SIAE: variants seen among roughly 807,000 people sequenced by gnomAD.
SIAE encodes the protein sialate O-acetylesterase.
In SIAE, 39 loss-of-function variants were observed where a neutral mutation model predicts 52.6. The observed-to-expected ratio is 0.74, with a 90% confidence interval of 0.57 to 0.97. The LOEUF (loss-of-function observed/expected upper bound fraction) is 0.97, where lower values mean the gene tolerates loss of function less well. Among genes scored for constraint, SIAE ranks in the 50% least tolerant of loss-of-function variants. The pLI, the probability that SIAE is intolerant of heterozygous loss-of-function variation, is 0.00. For synonymous variants in SIAE, 233 were observed against 241.4 expected (o/e 0.97, Z 0.32); for missense variants, 592 against 662.1 (o/e 0.89, Z 1.16).
rs1942816961 is a variant in SIAE at position 124,639,899 on chromosome 11, T to C, written c.967-32A>G. ...AGCAGAGACATTGCTAATTTTATTG[T>C]ATCAGAATCCCACACTGGAGTCTTT... On this transcript the variant is annotated intron_variant, in intron 7 of 9. Coordinates refer to ENST00000263593, the MANE Select transcript of SIAE (RefSeq NM_170601.5). 6 of 1,611,912 alleles carry C rather than the reference T, an allele frequency of 3.7e-6. No homozygotes were observed. In the East Asian group the frequency reaches 1.3e-4, roughly 36 times the overall value.
chr11:124,669,384 T>C lies in SIAE; in HGVS notation c.205A>G (p.Met69Val), dbSNP rs760120148. 4 of 1,614,074 alleles carry C rather than the reference T, an allele frequency of 2.5e-6. No individual in the cohort carries two copies. The South Asian group carries it at 3.3e-5, about 13-fold the overall frequency. The part of the protein sequence containing the change: ...VTLRQGQETI[M>V]KKVTSVKAHS... ...CCTTTCACACTGGTCACTTTCTTCA[T>C]GATGGTTTCCTGACCTTGGCGCAGG... Residue 69 changes from methionine (M) to valine (V), a missense_variant, in exon 2 of 10, where the codon ATG becomes GTG. Physicochemically the swap from Met to Val is conservative, Grantham distance 21 (BLOSUM62 1). Coordinates refer to ENST00000263593, the MANE Select transcript of SIAE (RefSeq NM_170601.5).
chr11:124,668,055 T>G (rs770782876), intron 2 of SIAE, among the ~76,000 whole-genome samples: 28 of 152,180 alleles, frequency 1.8e-4, no homozygotes, highest in Non-Finnish European at 4.0e-4. Flanking sequence ...TAAAAATCTG[T>G]CCGTTTAGAA....
intron 4 of SIAE, among the ~76,000 whole-genome samples, chr11:124,652,825 G>A (rs1943037372): frequency 6.6e-6 from 1 of 151,990 alleles, no homozygotes; most frequent in African/African-American, 2.4e-5. Context: ...CTGAAATGTT[G>A]CCTTTCCCCA....
intron 1 of SIAE, among the ~76,000 whole-genome samples, chr11:124,672,166 G>T (rs953692229): frequency 6.6e-6 from 1 of 152,186 alleles, no homozygotes; most frequent in Admixed American, 6.5e-5. Context: ...GCCCACCTCA[G>T]CCTCCCAAAG....
rs906169468 is a variant in SIAE at position 124,635,026 on chromosome 11, C to T, written c.*1925G>A. The stretch of plus-strand genomic sequence containing the variant: ...TACTCAGCCACTAAAAATGAATGTG[C>T]ATGGCGTCATTAACATAATCATTGC... On this transcript the variant is annotated 3_prime_UTR_variant, in exon 10 of 10. Coordinates refer to ENST00000263593, the MANE Select transcript of SIAE (RefSeq NM_170601.5). 3.3e-5 allele frequency: 5 copies of T among 152,284 alleles called. No homozygotes were observed. Among genetic ancestry groups the T allele is most frequent in the African/African-American group, 1.2e-4 (5 of 41,564 alleles). The allele number at this position is 152,284 out of a possible 1,614,324, so 9.4% of individuals were successfully genotyped here.
chr11:124,663,092 T>C (rs1943214114), intron 2 of SIAE, among the ~76,000 whole-genome samples: 1 of 151,340 alleles, frequency 6.6e-6, no homozygotes, highest in Non-Finnish European at 1.5e-5. Context: ...TGCAGTGAGC[T>C]GAGATTGCAC....
At chr11:124,647,085 CT>C (rs1376722623) in intron 7 of SIAE, among the ~76,000 whole-genome samples, 2 of 152,078 alleles carry the variant, frequency 1.3e-5, no homozygotes, top group Non-Finnish European at 2.9e-5. Flanking sequence ...TTTTGCTTAT[CT>C]TTTTAATATT....
intron 4 of SIAE, among the ~76,000 whole-genome samples, chr11:124,652,497 C>T (rs1037943362): frequency 6.6e-6 from 1 of 152,024 alleles, no homozygotes; most frequent in African/African-American, 2.4e-5. Context: ...GAGTCCCAGA[C>T]CAGCCTGGCC....
intron 3 of SIAE, among the ~76,000 whole-genome samples, chr11:124,656,943 A>G (rs891160955): frequency 1.5e-5 from 2 of 131,742 alleles, no homozygotes; most frequent in Non-Finnish European, 3.2e-5. Context: ...CCACCCACCC[A>G]CCACAGAGAA....
At chr11:124,654,929 G>A (rs910501424) in intron 3 of SIAE, 136 bp from the exon 4 acceptor site, 5 of 960,470 alleles carry the variant, frequency 5.2e-6, no homozygotes, top group African/African-American at 4.8e-5. Flanking sequence ...CCAATGGGCT[G>A]CACTGAATCA....
intron 2 of SIAE, among the ~76,000 whole-genome samples, chr11:124,667,254 C>T (rs973100085): frequency 2.6e-5 from 4 of 152,176 alleles, no homozygotes; most frequent in Admixed American, 2.0e-4. Context: ...AAACAGAAAG[C>T]ACTGAGAGTC....
chr11:124,674,212 C>T (rs1306203880), upstream of SIAE: 1 of 154,032 alleles, frequency 6.5e-6, no homozygotes, highest in Non-Finnish European at 1.4e-5. Context: ...TAGAATGGTT[C>T]GATACCCCCA....
rs1157508505 is a variant in SIAE at position 124,635,615 on chromosome 11, T to TATC, written c.*1333_*1335dup. ...CATATGATTTCATTAATATATTCAC[T>TATC]ATCTAAACCATATTTTTTACACTAC... On this transcript the variant is annotated 3_prime_UTR_variant, in exon 10 of 10. Coordinates refer to ENST00000263593, the MANE Select transcript of SIAE (RefSeq NM_170601.5). 6.6e-6 allele frequency: 1 copy of TATC among 152,246 alleles called. No homozygotes were observed. The highest frequency in any genetic ancestry group is 2.4e-5 in the African/African-American group (1 of 41,470). The allele number at this position is 152,246 out of a possible 1,614,324, so 9.4% of individuals were successfully genotyped here.
intron 4 of SIAE, among the ~76,000 whole-genome samples, chr11:124,652,040 T>C (rs1943024767): frequency 6.6e-6 from 1 of 151,934 alleles, no homozygotes; most frequent in South Asian, 2.1e-4. Context: ...GAATAGGAAA[T>C]ATTCTGAGAG....
In SIAE at chr11:124,648,053, A is replaced by G. The variant is rs1591387201; in HGVS notation, c.832+13T>C. Reference sequence around the variant, plus strand: ...ATCTGATACAATGGAGAAAGAGTACACTGAACACTTACCCTGGTACCATAC... The same window carrying G: ...ATCTGATACAATGGAGAAAGAGTACGCTGAACACTTACCCTGGTACCATAC... On this transcript the variant is annotated intron_variant, in intron 6 of 9. Coordinates refer to ENST00000263593, the MANE Select transcript of SIAE (RefSeq NM_170601.5). 1.3e-6 allele frequency: 2 copies of G among 1,590,308 alleles called. No homozygotes were observed. The highest frequency in any genetic ancestry group is 3.3e-5 in the Admixed American group (2 of 59,982).
intron 9 of SIAE, among the ~76,000 whole-genome samples, chr11:124,638,200 T>C (rs949715689): frequency 6.6e-5 from 10 of 152,238 alleles, no homozygotes; most frequent in African/African-American, 2.4e-4. Flanking sequence ...GGGGTAAATA[T>C]TCTGGAGCAA....
intron 1 of SIAE, among the ~76,000 whole-genome samples, chr11:124,671,445 G>A (rs192123087): frequency 1.3e-5 from 2 of 152,246 alleles, no homozygotes; most frequent in East Asian, 3.9e-4. Context: ...CCTGTGGCAG[G>A]CACAGTGCTA....
intron 7 of SIAE, among the ~76,000 whole-genome samples, chr11:124,644,013 C>T (rs1243851726): frequency 1.3e-5 from 2 of 152,156 alleles, no homozygotes; most frequent in African/African-American, 4.8e-5. Flanking sequence ...ATATTTTCTG[C>T]TCTCTGAGTT....
In SIAE at chr11:124,670,469, AAAAC is replaced by A. The variant is rs1943335969; in HGVS notation, c.68-952_68-949del. ...ATCAAAACTTAACAAGGAAAAAAAT[AAAAC>A]AAATTATATCCCAATTTATCTGAAT... On this transcript the variant is annotated intron_variant, in intron 1 of 9. Coordinates refer to ENST00000263593, the MANE Select transcript of SIAE (RefSeq NM_170601.5). The surrounding 1 kb of genome is among the most constrained non-coding windows in gnomAD (Gnocchi z 4.5). 6.6e-6 allele frequency among the ~76,000 whole-genome samples: 1 copy of A among 152,252 alleles called. No homozygotes were observed. The highest frequency in any genetic ancestry group is 2.1e-4 in the South Asian group (1 of 4,834).
Sources: gnomAD v4.1 joint callset for allele counts (sites outside exome capture counted in the v4.1 genomes callset) on GRCh38, gnomAD v4.1.1 for gene constraint, Gnocchi (gnomAD v3.1) non-coding constraint, MANE v1.5 for transcripts, NCBI Gene and HGNC (gene_info 2026-07-23, HGNC 2026-07-21) for gene names.